The following EIF3H variants were observed in gnomAD, a reference collection of about 807,000 sequenced individuals.
EIF3H encodes the protein eIF-3-gamma.
Under a neutral mutation model 44.2 loss-of-function variants are expected in EIF3H, and 26 were observed. The ratio of observed to expected loss-of-function variants is 0.59; its 90% CI spans 0.43 to 0.82. The LOEUF is 0.82. EIF3H is among the 40% of genes least tolerant of loss of function. The probability of loss-of-function intolerance (pLI) is 0.00; values close to 1 mark genes in which losing one functional copy is unlikely to be tolerated. For synonymous variants in EIF3H, 166 were observed against 151.9 expected, an observed-to-expected ratio of 1.09 and a Z score of -0.68; for missense variants, 359 against 432.8, an observed-to-expected ratio of 0.83 and a Z score of 1.51.
upstream of EIF3H, among the ~76,000 whole-genome samples, chr8:116,757,646 G>T (rs183134457): frequency 6.6e-6 from 1 of 151,132 alleles, no homozygotes; most frequent in East Asian, 1.9e-4. Flanking sequence ...AGAAAAGAGA[G>T]AAATGAAAAC....
intron 1 of EIF3H, chr8:116,737,155 G>C (rs1429321703): frequency 2.8e-6 from 1 of 360,832 alleles, no homozygotes; most frequent in African/African-American, 2.2e-5. Flanking sequence ...ATATCAAAAA[G>C]CATACTTCTC....
chr8:116,653,370 C>CACACACACACACACAA (rs1483571960), intron 5 of EIF3H, among the ~76,000 whole-genome samples: 1 of 151,862 alleles, frequency 6.6e-6, no homozygotes, highest in Admixed American at 6.6e-5. Context: ...CACACACACA[C>CACACACACACACACAA]AATCTGTGTA....
intron 2 of EIF3H, 43 bp from the exon 3 acceptor site, chr8:116,659,023 A>G (rs766426893): frequency 6.5e-7 from 1 of 1,544,112 alleles, no homozygotes; most frequent in South Asian, 1.2e-5. Flanking sequence ...AAACTTTTTA[A>G]TGATGTTACC....
intron 2 of EIF3H, among the ~76,000 whole-genome samples, chr8:116,681,778 T>C (rs1437403619): frequency 6.6e-6 from 1 of 152,232 alleles, no homozygotes; most frequent in South Asian, 2.1e-4. Context: ...AAACAATTCT[T>C]TTCTAAATTC....
intron 5 of EIF3H, among the ~76,000 whole-genome samples, chr8:116,654,518 T>C (rs919340996): frequency 6.6e-6 from 1 of 152,224 alleles, no homozygotes; most frequent in African/African-American, 2.4e-5. Flanking sequence ...AATTGTAACC[T>C]TGTATGCTGA....
chr8:116,695,804 A>C lies in EIF3H; in HGVS notation c.289+30212T>G, dbSNP rs200375765. 7.2e-5 allele frequency among the ~76,000 whole-genome samples: 11 copies of C among 152,178 alleles called. No homozygotes were observed. In the East Asian group the frequency reaches 1.9e-3, roughly 27 times the overall value. On this transcript the variant is annotated intron_variant, in intron 2 of 7. Coordinates refer to ENST00000521861, the MANE Select transcript of EIF3H (RefSeq NM_003756.3). Reference sequence around the variant, plus strand: ...AAAGGCTTGGGAGCAGAAATAAATTAGTTACATAAAAAGGAAATTAACCAA... The same window carrying C: ...AAAGGCTTGGGAGCAGAAATAAATTCGTTACATAAAAAGGAAATTAACCAA...
At chr8:116,734,347 T>C (rs1219164653) in intron 1 of EIF3H, 1 of 456,054 alleles carries the variant, frequency 2.2e-6, no homozygotes, top group East Asian at 6.9e-5. Context: ...CCATCAGCCC[T>C]ATGAAAACTT....
intron 2 of EIF3H, among the ~76,000 whole-genome samples, chr8:116,716,994 T>C (rs1393330648): frequency 1.3e-5 from 2 of 152,144 alleles, no homozygotes; most frequent in Non-Finnish European, 2.9e-5. Context: ...GAATAACTGC[T>C]AGTTTTAGAG....
chr8:116,753,822 T>C (rs992092356), intron 1 of EIF3H, among the ~76,000 whole-genome samples: 4 of 152,234 alleles, frequency 2.6e-5, no homozygotes, highest in Non-Finnish European at 5.9e-5. Context: ...GCTAAATAAA[T>C]GATCTCCAAA....
rs558712918 is a variant in EIF3H at position 116,725,032 on chromosome 8, A to G, written c.289+984T>C. On this transcript the variant is annotated intron_variant, in intron 2 of 7. Transcript: ENST00000521861. ...TAGCCAACAGGTGGGAGCAACCTAA[A>G]CTTCCATCGCCAGATGGCTGGATAA... Among the ~76,000 whole-genome samples, 4 of 152,334 alleles carry G rather than the reference A, an allele frequency of 2.6e-5. No homozygotes were observed. The East Asian group carries it at 7.7e-4, about 29-fold the overall frequency.
intron 2 of EIF3H, among the ~76,000 whole-genome samples, chr8:116,723,528 G>A (rs1219810080): frequency 6.6e-6 from 1 of 152,130 alleles, no homozygotes; most frequent in Non-Finnish European, 1.5e-5. Context: ...GTTTCTAGAG[G>A]AATTACTTTA....
At chr8:116,742,946 C>A (rs902597581) in intron 1 of EIF3H, among the ~76,000 whole-genome samples, 1 of 152,300 alleles carries the variant, frequency 6.6e-6, no homozygotes, top group East Asian at 1.9e-4. Context: ...AAGCGCACCA[C>A]AGTAAGTCCA....
chr8:116,663,905 T>C (rs1459377734), intron 2 of EIF3H, among the ~76,000 whole-genome samples: 1 of 129,282 alleles, frequency 7.7e-6, no homozygotes, highest in African/African-American at 3.0e-5. Context: ...CACTCCAGCC[T>C]GGGAGACAGA....
At chr8:116,672,553 C>T (rs1813774651) in intron 2 of EIF3H, among the ~76,000 whole-genome samples, 1 of 151,928 alleles carries the variant, frequency 6.6e-6, no homozygotes, top group Non-Finnish European at 1.5e-5. Context: ...TCACCTGGGT[C>T]CAGTAGTTTG....
intron 2 of EIF3H, among the ~76,000 whole-genome samples, chr8:116,700,041 G>A (rs1219171996): frequency 4.6e-5 from 7 of 152,196 alleles, no homozygotes; most frequent in African/African-American, 1.4e-4. Context: ...CCAGGCCTCA[G>A]GTGATCCTCC....
At chr8:116,754,261 G>A (rs1406137913) in intron 1 of EIF3H, among the ~76,000 whole-genome samples, 3 of 152,078 alleles carry the variant, frequency 2.0e-5, no homozygotes, top group South Asian at 2.1e-4. Context: ...TTACAGGCGC[G>A]TGCCAACATG....
chr8:116,741,365 A>T (rs1006195268), intron 1 of EIF3H, among the ~76,000 whole-genome samples: 1 of 152,232 alleles, frequency 6.6e-6, no homozygotes, highest in East Asian at 1.9e-4. Context: ...ACTATCTCTC[A>T]TAACAACCAA....
At chr8:116,719,176 T>C (rs967323285) in intron 2 of EIF3H, among the ~76,000 whole-genome samples, 3 of 152,310 alleles carry the variant, frequency 2.0e-5, no homozygotes, top group Non-Finnish European at 4.4e-5. Flanking sequence ...GAAACAGCAC[T>C]TGGCAAGTTT....
intron 1 of EIF3H, among the ~76,000 whole-genome samples, chr8:116,752,700 GAAAGAAAGAAAGAAAGAAAGAA>G (rs1815364578): frequency 1.6e-5 from 2 of 127,920 alleles, no homozygotes; most frequent in Admixed American, 8.2e-5. Flanking sequence ...AAGAAAGAAA[GAAAGAAAGAAAGAAAGAAAGAA>G]AGAAAGAAAG....
Sources: allele counts gnomAD v4.1 joint callset (sites outside exome capture counted in the v4.1 genomes callset), GRCh38; gene constraint gnomAD v4.1.1; transcripts MANE v1.5; gene names NCBI Gene and HGNC (gene_info 2026-07-23, HGNC 2026-07-21).